The following SLC26A8 variants were observed in gnomAD, a reference collection of about 807,000 sequenced individuals.
SLC26A8 encodes the protein testis anion transporter 1.
Under a neutral mutation model 105.0 loss-of-function variants are expected in SLC26A8, and 70 were observed. The ratio of observed to expected loss-of-function variants is 0.67; its 90% CI spans 0.55 to 0.81. The LOEUF (loss-of-function observed/expected upper bound fraction) is 0.81. SLC26A8 is among the 40% of genes least tolerant of loss of function. The pLI, the probability that SLC26A8 is intolerant of heterozygous loss-of-function variation, is 0.00. For synonymous variants in SLC26A8, 415 were observed against 438.3 expected (o/e 0.95, Z 0.66); for missense variants, 998 against 1,181.8 (o/e 0.84, Z 2.28).
At chr6:36,000,530 T>A (rs952755014) in intron 3 of SLC26A8, among the ~76,000 whole-genome samples, 1 of 152,218 alleles carries the variant, frequency 6.6e-6, no homozygotes, top group Non-Finnish European at 1.5e-5. Flanking sequence ...CTTCACTGAC[T>A]TGAAGTTGGT....
At chr6:35,947,162 G>A (rs1581619193) in intron 19 of SLC26A8, among the ~76,000 whole-genome samples, 1 of 152,126 alleles carries the variant, frequency 6.6e-6, no homozygotes, top group African/African-American at 2.4e-5. Context: ...CTGAGTAGCT[G>A]GGGTTATAGG....
At chr6:35,995,752 C>T (rs1440430547) in intron 5 of SLC26A8, among the ~76,000 whole-genome samples, 1 of 152,012 alleles carries the variant, frequency 6.6e-6, no homozygotes, top group East Asian at 1.9e-4. Context: ...CCCAAGCAAT[C>T]CTCCTGCTTC....
At chr6:36,004,820 ATTTTTT>A (rs750395557) in intron 3 of SLC26A8, among the ~76,000 whole-genome samples, 3 of 122,032 alleles carry the variant, frequency 2.5e-5, no homozygotes, top group African/African-American at 6.2e-5. Flanking sequence ...ACCTAGTTAA[ATTTTTT>A]TTTTTTTTTT....
Position 35,991,796 on chromosome 6 carries a change from A to G in SLC26A8, c.805T>C (p.Tyr269His). 6.3e-7 allele frequency: 1 copy of G among 1,591,816 alleles called. No individual in the cohort carries two copies. Among genetic ancestry groups the G allele is most frequent in the Non-Finnish European group, 8.5e-7 (1 of 1,172,600 alleles). The change falls in exon 7 of 20, where the codon TAC (tyrosine) becomes CAC (histidine). Residue 269 changes from tyrosine to histidine, a missense_variant. By Grantham distance (83) the Tyr-to-His change is moderately conservative. Transcript: ENST00000490799. ...PISFFYDIINYCVALPKANST... is the reference protein window; with the variant it reads ...PISFFYDIINHCVALPKANST... ...TTCGCTTTTGGGAGAGCTACACAGT[A>G]ATTAATTATGTCCTGAAAGAAAATA...
At chr6:35,990,840 T>C (rs570018358) in intron 7 of SLC26A8, among the ~76,000 whole-genome samples, 1 of 152,292 alleles carries the variant, frequency 6.6e-6, no homozygotes, top group South Asian at 2.1e-4. Flanking sequence ...CCTCAACCAC[T>C]TTTTTAAACT....
chr6:35,985,988 C>T (rs143970483), intron 7 of SLC26A8, among the ~76,000 whole-genome samples: 3 of 145,728 alleles, frequency 2.1e-5, no homozygotes, highest in East Asian at 2.0e-4. Context: ...ATGGCTGAAT[C>T]GAGCTATTAA....
intron 5 of SLC26A8, among the ~76,000 whole-genome samples, chr6:35,994,033 A>G (rs1280999951): frequency 6.6e-6 from 1 of 152,154 alleles, no homozygotes; most frequent in East Asian, 1.9e-4. Flanking sequence ...CAAATTTGGA[A>G]CAATAAATCA....
chr6:35,984,014 A>G (rs1303782628), intron 7 of SLC26A8, among the ~76,000 whole-genome samples: 2 of 152,142 alleles, frequency 1.3e-5, no homozygotes, highest in Admixed American at 1.3e-4. Flanking sequence ...GCTAAGGGAA[A>G]CAGGGAGGTC....
At position 36,019,666 on chromosome 6, in the gene SLC26A8, A is replaced by C. The variant is rs370507105; in HGVS notation, c.42T>G (p.Ser14=). The C allele has an allele frequency of 2.5e-6, 4 of 1,614,126 alleles. No homozygotes were observed. In the South Asian group the frequency reaches 4.4e-5, roughly 18 times the overall value. ...ATGCGAATGAGTTTCGCCTGGACTTAGAGCTGAAGCCAGAGATGGCGCTCC... is the reference window on the plus strand; with the variant it reads ...ATGCGAATGAGTTTCGCCTGGACTTCGAGCTGAAGCCAGAGATGGCGCTCC... ...LERSAISGFS[S]KSRRNSFAYD... The change falls in exon 2 of 20, where the codon TCT becomes TCG. Residue 14 remains serine (S), a synonymous_variant. Transcript: ENST00000490799.
intron 9 of SLC26A8, among the ~76,000 whole-genome samples, chr6:35,975,840 GAGAC>G (rs1312017924): frequency 2.7e-5 from 4 of 147,350 alleles, no homozygotes; most frequent in Non-Finnish European, 4.4e-5. Flanking sequence ...TTGAACCTGA[GAGAC>G]AGACGTTGTG....
intron 17 of SLC26A8, 136 bp from the exon 18 acceptor site, chr6:35,951,635 G>A (rs2127291194): frequency 1.1e-6 from 1 of 873,628 alleles, no homozygotes; most frequent in East Asian, 2.6e-5. Context: ...ATGGAGTGCA[G>A]TGGCATGATC....
chr6:36,012,516 T>G lies in SLC26A8; in HGVS notation c.189-144A>C. ...GAGTTTGACATATTGGACCAGATAA[T>G]TCTTTGTTGTTGGGCTGTCCTGTGC... is the stretch of plus-strand genomic sequence containing the variant. On this transcript the variant is annotated intron_variant, in intron 2 of 19. Transcript: ENST00000490799. 4 of 905,836 alleles carry G rather than the reference T, an allele frequency of 4.4e-6. No individual in the cohort carries two copies. The South Asian group carries it at 8.0e-5, about 18-fold the overall frequency. The allele number at this position is 905,836 out of a possible 1,614,324, so 56.1% of individuals were successfully genotyped here.
chr6:36,023,417 C>T (rs1435403862), intron 1 of SLC26A8, among the ~76,000 whole-genome samples: 2 of 151,694 alleles, frequency 1.3e-5, no homozygotes, highest in African/African-American at 2.4e-5. Context: ...AGCATGATGG[C>T]GTGCCTGTAG....
rs1217817073 is a variant in SLC26A8 at position 36,019,577 on chromosome 6, G to A, written c.131C>T (p.Ser44Phe). 1.2e-6 allele frequency: 2 copies of A among 1,614,092 alleles called. No individual in the cohort carries two copies. Among genetic ancestry groups the A allele is most frequent in the South Asian group, 1.1e-5 (1 of 91,072 alleles). ...GTTGATGTTCATGTTCCCAGAAGAG[G>A]AGGCCTTCCTTTTGTGTTCCTGTTG... ...TFQQEHKRKA[S>F]SSGNMNINIT... is the part of the protein sequence containing the mutation. Residue 44 changes from serine (S) to phenylalanine (F), a missense_variant, in exon 2 of 20, where the codon TCC becomes TTC. Transcript: ENST00000490799.
Position 35,943,662 on chromosome 6 carries a change from A to C in SLC26A8, c.*238T>G. ...AAATTCATGACTAGAATATATGCTG[A>C]AGGTGAAATGAGGGGAGCCTGGATA... is the stretch of plus-strand genomic sequence containing the variant. On this transcript the variant is annotated 3_prime_UTR_variant, in exon 20 of 20. Transcript: ENST00000490799. 1 of 528,064 alleles carries C rather than the reference A, an allele frequency of 1.9e-6. No individual in the cohort carries two copies. Among genetic ancestry groups the C allele is most frequent in the Admixed American group, 3.2e-5 (1 of 31,106 alleles). 32.7% of individuals were successfully genotyped at this position (528,064 alleles called of 1,614,324 possible). A position where few individuals can be genotyped will look rare whatever the true frequency, so the allele number is the denominator to read the frequency against.
chr6:36,006,608 G>A (rs1761694957), intron 3 of SLC26A8, among the ~76,000 whole-genome samples: 1 of 152,086 alleles, frequency 6.6e-6, no homozygotes. Context: ...AACTGGCAGG[G>A]GGCTCATAGT....
intron 7 of SLC26A8, among the ~76,000 whole-genome samples, chr6:35,988,714 G>A (rs1302966169): frequency 6.6e-6 from 1 of 151,950 alleles, no homozygotes; most frequent in Admixed American, 6.6e-5. Flanking sequence ...ACTTACTAAT[G>A]ACACAGATTA....
chr6:35,959,926 T>TA lies in SLC26A8; in HGVS notation c.1639-121_1639-120insT. 3.7e-6 allele frequency: 3 copies of TA among 817,740 alleles called. No individual in the cohort carries two copies. In the South Asian group the frequency reaches 5.2e-5, roughly 14 times the overall value. The allele number at this position is 817,740 out of a possible 1,614,324, so 50.7% of individuals were successfully genotyped here. A position where few individuals can be genotyped will look rare whatever the true frequency, so the allele number is the denominator to read the frequency against. The stretch of plus-strand genomic sequence containing the variant: ...TTCTTTTTTATTTTTTTATTTTTTT[T>TA]GAGACAGAGTCTCACTCTGTTGCCC... On this transcript the variant is annotated intron_variant, in intron 14 of 19. Coordinates refer to ENST00000490799, the MANE Select transcript of SLC26A8 (RefSeq NM_052961.4).
At chr6:35,994,111 C>CTTTTTTTTTTTT (rs759838239) in intron 5 of SLC26A8, among the ~76,000 whole-genome samples, 1 of 118,512 alleles carries the variant, frequency 8.4e-6, no homozygotes, top group Admixed American at 9.1e-5. Context: ...CTTTTTTTTT[C>CTTTTTTTTTTTT]TTTTCTTTTT....
Sources: gnomAD v4.1 joint callset for allele counts (sites outside exome capture counted in the v4.1 genomes callset) on GRCh38, gnomAD v4.1.1 for gene constraint, MANE v1.5 for transcripts, NCBI Gene and HGNC (gene_info 2026-07-23, HGNC 2026-07-21) for gene names.